Variants in GRID2IP observed in about 807,000 individuals in gnomAD.
GRID2IP encodes the protein Grid2 interacting protein.
A neutral mutation model predicts 114.3 loss-of-function variants in GRID2IP; 78 were observed. That is an observed-to-expected ratio of 0.68 (90% CI 0.57 to 0.82). The LOEUF is 0.82. Ranked by LOEUF, GRID2IP falls within the 40% of genes least tolerant of loss-of-function variation. The pLI, the probability that GRID2IP is intolerant of heterozygous loss-of-function variation, is 0.00. For synonymous variants in GRID2IP, 809 were observed against 724.0 expected, an observed-to-expected ratio of 1.12 and a Z score of -1.89; for missense variants, 1,727 against 1,678.5, an observed-to-expected ratio of 1.03 and a Z score of -0.51.
rs73059362 is a variant in GRID2IP, at chr7:6,528,791, C to G, written c.585-2022G>C. On this transcript the variant is annotated intron_variant, in intron 2 of 21. Transcript: ENST00000457091. The surrounding 1 kb of genome is among the most constrained non-coding windows in gnomAD (Gnocchi z 6.0). The stretch of plus-strand genomic sequence containing the variant: ...CCGCAGTGAGCTCCGCTCCAGGTCT[C>G]GATGGTCCGGGGGGTAACCAGGAAC... 0.093 allele frequency among the ~76,000 whole-genome samples: 14,113 copies of G among 152,112 alleles called. 746 individuals carry two copies. Among genetic ancestry groups the G allele is most frequent in the Middle Eastern group, 0.14 (40 of 294 alleles).
intron 9 of GRID2IP, 25 bp from the exon 10 acceptor site, chr7:6,510,731 G>C (rs774998442): frequency 1.3e-5 from 20 of 1,537,296 alleles, no homozygotes; most frequent in Non-Finnish European, 1.7e-5. Context: ...TGTCATTACC[G>C]TATCTGAGCT....
intron 2 of GRID2IP, chr7:6,531,099 C>T: frequency 3.6e-6 from 2 of 550,738 alleles, no homozygotes; most frequent in Middle Eastern, 3.2e-4. Context: ...TGGTCCTTCC[C>T]CATCTGGAGC....
rs975762376 is a variant in GRID2IP at position 6,503,813 on chromosome 7, G to T, written c.2711-126C>A. 1.1e-5 allele frequency: 7 copies of T among 643,542 alleles called. No homozygotes were observed. The African/African-American group carries it at 1.4e-4, about 13-fold the overall frequency. 39.9% of individuals were successfully genotyped at this position (643,542 alleles called of 1,614,324 possible). Reference sequence around the variant, plus strand: ...GGGGCGGGGCCTAGGGGAGAGGACGGGGCCTTGAGGCTGGAAGGACAAGAA... The same window carrying T: ...GGGGCGGGGCCTAGGGGAGAGGACGTGGCCTTGAGGCTGGAAGGACAAGAA... On this transcript the variant is annotated intron_variant, in intron 15 of 21. Transcript: ENST00000457091.
rs1198153183 is a variant in GRID2IP at position 6,520,185 on chromosome 7, C to T, written c.1268+393G>A. 2.0e-5 allele frequency among the ~76,000 whole-genome samples: 3 copies of T among 151,678 alleles called. No homozygotes were observed. Among genetic ancestry groups the T allele is most frequent in the Middle Eastern group, 6.8e-3 (2 of 292 alleles). On this transcript the variant is annotated intron_variant, in intron 7 of 21. Coordinates refer to ENST00000457091, the MANE Select transcript of GRID2IP (RefSeq NM_001145118.2). The surrounding 1 kb of genome is among the most constrained non-coding windows in gnomAD (Gnocchi z 4.6). ...GTGGGCACCTGTAATCCCAGCTACTCGGAGGCTGAGGCAGAAGAATCGCTT... is the reference window on the plus strand; with the variant it reads ...GTGGGCACCTGTAATCCCAGCTACTTGGAGGCTGAGGCAGAAGAATCGCTT...
rs1288067338 is a variant in GRID2IP at position 6,536,789 on chromosome 7, C to A, written c.584+2929G>T. 1.4e-6 allele frequency: 1 copy of A among 702,472 alleles called. No individual in the cohort carries two copies. Among genetic ancestry groups the A allele is most frequent in the South Asian group, 1.5e-5 (1 of 67,570 alleles). The allele number at this position is 702,472 out of a possible 1,614,324, so 43.5% of individuals were successfully genotyped here. The stretch of plus-strand genomic sequence containing the variant: ...AGAAATAACTTTTTTCCTTTTTTCC[C>A]CTCTTCTGATTCTCCTAGCAAGGGG... On this transcript the variant is annotated intron_variant, in intron 2 of 21. Coordinates refer to ENST00000457091, the MANE Select transcript of GRID2IP (RefSeq NM_001145118.2). The surrounding 1 kb of genome is among the most constrained non-coding windows in gnomAD (Gnocchi z 5.3).
At chr7:6,510,824 C>G (rs1779132615) in intron 9 of GRID2IP, 84 bp downstream of exon 9, 1 of 1,487,812 alleles carries the variant, frequency 6.7e-7, no homozygotes. Context: ...GCCCCATTCC[C>G]TGGGATTCCC....
At position 6,526,787 on chromosome 7, in the gene GRID2IP, G is replaced by A; in HGVS notation, c.585-18C>T. Reference sequence around the variant, plus strand: ...TGAAGATCCTGCCGGCGAGGACGGCGGAGTCGGGGCGCGTTCCCGGACCCC... The same window carrying A: ...TGAAGATCCTGCCGGCGAGGACGGCAGAGTCGGGGCGCGTTCCCGGACCCC... On this transcript the variant is annotated intron_variant, in intron 2 of 21. Transcript: ENST00000457091. This position sits in a 1 kb window ranked among gnomAD's most constrained non-coding sequence, Gnocchi z 7.6. 1.3e-6 allele frequency: 2 copies of A among 1,496,910 alleles called. No homozygotes were observed. Among genetic ancestry groups the A allele is most frequent in the African/African-American group, 1.5e-5 (1 of 68,746 alleles). The allele number at this position is 1,496,910 out of a possible 1,614,324, so 92.7% of individuals were successfully genotyped here. A position where few individuals can be genotyped will look rare whatever the true frequency, so the allele number is the denominator to read the frequency against.
chr7:6,531,893 G>T (rs1285788479), intron 2 of GRID2IP, among the ~76,000 whole-genome samples: 1 of 152,230 alleles, frequency 6.6e-6, no homozygotes, highest in Non-Finnish European at 1.5e-5. Context: ...AAACACAGAG[G>T]AGGTGGAGTG....
rs1385466207 is a variant in GRID2IP, at chr7:6,526,254, C to T, written c.889G>A (p.Gly297Arg). 13 of 1,551,820 alleles carry T rather than the reference C, an allele frequency of 8.4e-6. No homozygotes were observed. Among genetic ancestry groups the T allele is most frequent in the African/African-American group, 1.4e-5 (1 of 73,030 alleles). The change falls in exon 4 of 22, where the codon GGG becomes AGG. Residue 297 changes from glycine to arginine, a missense_variant. By Grantham distance (125) the Gly-to-Arg change is moderately radical. Transcript: ENST00000457091. The surrounding 1 kb of genome is among the most constrained non-coding windows in gnomAD (Gnocchi z 7.6). ...KSFGFTLRGH[G>R]PVWIESVLPG... ...AGGACAGACTCGATCCAGACAGGCC[C>T]GTGGCCGCGAAGTGTGAAGCCGAAG...
intron 2 of GRID2IP, among the ~76,000 whole-genome samples, chr7:6,537,582 G>A (rs961476645): frequency 6.6e-6 from 1 of 151,086 alleles, no homozygotes; most frequent in Non-Finnish European, 1.5e-5. Context: ...GTTTCACTAT[G>A]TTGGCCAGGC....
rs907747641 is a variant in GRID2IP, at chr7:6,542,505, T to A, written c.430-2633A>T. 1.1e-4 allele frequency among the ~76,000 whole-genome samples: 16 copies of A among 151,774 alleles called. No homozygotes were observed. In the East Asian group the frequency reaches 1.2e-3, roughly 11 times the overall value. ...CCCATTTCTACAAACAAATTTTTTT[T>A]AAATTAGCCAGATGTGGTGGTGCAT... is the stretch of plus-strand genomic sequence containing the variant. On this transcript the variant is annotated intron_variant, in intron 1 of 21. Coordinates refer to ENST00000457091, the MANE Select transcript of GRID2IP (RefSeq NM_001145118.2).
At chr7:6,512,406 A>G (rs976418057) in intron 8 of GRID2IP, among the ~76,000 whole-genome samples, 1 of 150,440 alleles carries the variant, frequency 6.6e-6, no homozygotes, top group Admixed American at 6.6e-5. Context: ...TTTTTTTGCT[A>G]TGTTGCCCAG....
At chr7:6,550,916 C>G in intron 1 of GRID2IP, 92 bp downstream of exon 1, 4 of 1,183,842 alleles carry the variant, frequency 3.4e-6, no homozygotes, top group Non-Finnish European at 4.2e-6. Flanking sequence ...GTTTCCTTAC[C>G]TCTGGCCCTG....
Position 6,551,422 on chromosome 7 carries a change from G to A in GRID2IP, c.15C>T (p.Ala5=). MATT[A]TPATNQGWPE... is the part of the protein sequence containing the mutation. ...GCCAGCCCTGGTTCGTGGCCGGCGT[G>A]GCAGTGGTGGCCATGCACCTAGAAC... Residue 5 remains alanine, a synonymous_variant, in exon 1 of 22, where the codon GCC becomes GCT. Transcript: ENST00000457091. 1 of 1,544,098 alleles carries A rather than the reference G, an allele frequency of 6.5e-7. No homozygotes were observed. The highest frequency in any genetic ancestry group is 1.2e-5 in the South Asian group (1 of 83,264).
At chr7:6,517,802 C>A (rs1366227920) in intron 7 of GRID2IP, among the ~76,000 whole-genome samples, 1 of 151,860 alleles carries the variant, frequency 6.6e-6, no homozygotes, top group African/African-American at 2.4e-5. Flanking sequence ...ACTCAGGAGG[C>A]TGAGGCAGGA....
At chr7:6,517,085 G>A (rs1779321384) in intron 7 of GRID2IP, among the ~76,000 whole-genome samples, 1 of 147,828 alleles carries the variant, frequency 6.8e-6, no homozygotes, top group African/African-American at 2.5e-5. Context: ...GAGACAGTCT[G>A]GCTCTGTCAC....
In GRID2IP at chr7:6,526,767, A is replaced by T. The variant is rs781237150; in HGVS notation, c.587T>A (p.Ile196Asn). The change falls in exon 3 of 22, where the codon ATC (isoleucine) becomes AAC (asparagine). Residue 196 changes from isoleucine to asparagine, a missense_variant and splice_region_variant. By Grantham distance (149) the Ile-to-Asn change is moderately radical (BLOSUM62 -3). Coordinates refer to ENST00000457091, the MANE Select transcript of GRID2IP (RefSeq NM_001145118.2). The surrounding 1 kb of genome is among the most constrained non-coding windows in gnomAD (Gnocchi z 7.6). ...ACGPLLDNLR[I>N]FIPKKHRARF... is the part of the protein sequence containing the mutation. ...CGCCCGGTGCTTCTTGGGGATGAAGATCCTGCCGGCGAGGACGGCGGAGTC... is the reference window on the plus strand; with the variant it reads ...CGCCCGGTGCTTCTTGGGGATGAAGTTCCTGCCGGCGAGGACGGCGGAGTC... The T allele has an allele frequency of 2.0e-6, 3 of 1,517,620 alleles. No individual in the cohort carries two copies. In the South Asian group the frequency reaches 3.6e-5, roughly 18 times the overall value. 94.0% of individuals were successfully genotyped at this position (1,517,620 alleles called of 1,614,324 possible).
At chr7:6,530,639 G>T (rs959390874) in intron 2 of GRID2IP, among the ~76,000 whole-genome samples, 1 of 152,040 alleles carries the variant, frequency 6.6e-6, no homozygotes, top group Non-Finnish European at 1.5e-5. Flanking sequence ...AGGGGACAAG[G>T]GTTCCCTGGT....
intron 1 of GRID2IP, 68 bp downstream of exon 1, chr7:6,550,940 C>T (rs1322933328): frequency 2.4e-5 from 29 of 1,194,748 alleles, no homozygotes; most frequent in Non-Finnish European, 2.9e-5. Flanking sequence ...GAGCGGCGCC[C>T]GGCCCACTCC....
Sources: allele counts gnomAD v4.1 joint callset (sites outside exome capture counted in the v4.1 genomes callset), GRCh38; gene constraint gnomAD v4.1.1; non-coding constraint Gnocchi (gnomAD v3.1); transcripts MANE v1.5; gene names NCBI Gene and HGNC (gene_info 2026-07-23, HGNC 2026-07-21).